Variants in EVC observed in about 807,000 individuals in gnomAD.
EVC encodes evC complex member EVC.
Under a neutral mutation model 118.9 loss-of-function variants are expected in EVC, and 116 were observed. That is an observed-to-expected ratio of 0.98 (90% CI 0.84 to 1.14). The LOEUF (loss-of-function observed/expected upper bound fraction) is 1.14. EVC is among the 50% of genes most tolerant of loss of function. EVC has a pLI of 0.00. For missense variants in EVC, 1,401 were observed against 1,246.4 expected (o/e 1.12, Z -1.87); for synonymous variants, 619 against 534.7 (o/e 1.16, Z -2.18).
Position 5,798,118 on chromosome 4 carries a change from C to G in EVC, c.2098-468C>G, listed in dbSNP as rs1714316531. ...TCGCTACAGCCCCGCTCACTTCTTT[C>G]TCTCTTATTTCTACAAATAAAGGCA... On this transcript the variant is annotated intron_variant, in intron 14 of 20. Transcript: ENST00000264956. This position sits in a 1 kb window ranked among gnomAD's most constrained non-coding sequence, Gnocchi z 4.1. 6.6e-6 allele frequency among the ~76,000 whole-genome samples: 1 copy of G among 152,170 alleles called. No individual in the cohort carries two copies. Among genetic ancestry groups the G allele is most frequent in the Non-Finnish European group, 1.5e-5 (1 of 68,018 alleles).
rs1374746787 is a variant in EVC at position 5,755,528 on chromosome 4, C to T, written c.1465-736C>T. ...CCAGTCCCGCCCTTCTCTCTCATCT[C>T]ACCTCCTGCCCGTAGCATCACCAAA... On this transcript the variant is annotated intron_variant, in intron 10 of 20. Transcript: ENST00000264956. The surrounding 1 kb of genome is among the most constrained non-coding windows in gnomAD (Gnocchi z 4.1). 6.6e-6 allele frequency among the ~76,000 whole-genome samples: 1 copy of T among 152,166 alleles called. No homozygotes were observed. The highest frequency in any genetic ancestry group is 1.5e-5 in the Non-Finnish European group (1 of 68,014).
At chr4:5,782,389 A>ATTTT (rs71171482) in intron 11 of EVC, among the ~76,000 whole-genome samples, 26 of 78,602 alleles carry the variant, frequency 3.3e-4, no homozygotes, top group Non-Finnish European at 5.2e-4. Flanking sequence ...GTAAGGTTCC[A>ATTTT]TTTTTTTTTT....
intron 2 of EVC, among the ~76,000 whole-genome samples, chr4:5,721,217 A>G (rs935726422): frequency 3.3e-5 from 5 of 152,244 alleles, no homozygotes; most frequent in Non-Finnish European, 5.9e-5. Flanking sequence ...TTGTACACAA[A>G]TGTTCAAAGC....
chr4:5,767,663 CCAGGTGCCATCTGT>C (rs1466519300), intron 11 of EVC, among the ~76,000 whole-genome samples: 2 of 152,046 alleles, frequency 1.3e-5, no homozygotes, highest in Non-Finnish European at 1.5e-5. Context: ...ACCCGATTTT[CCAGGTGCCATCTGT>C]CACCCCTTTC....
the EVC span, among the ~76,000 whole-genome samples, chr4:5,827,578 CCACA>C: frequency 3.2e-4 from 48 of 152,046 alleles, no homozygotes; most frequent in African/African-American, 1.1e-3. Flanking sequence ...ACACACATGG[CCACA>C]CACACAGAGC....
the EVC span, among the ~76,000 whole-genome samples, chr4:5,823,848 C>T: frequency 5.3e-5 from 8 of 152,132 alleles, no homozygotes; most frequent in African/African-American, 1.7e-4. Context: ...TGTAAATGGA[C>T]GAAAACAGAC....
At chr4:5,781,941 T>C (rs1735659065) in intron 11 of EVC, among the ~76,000 whole-genome samples, 1 of 151,994 alleles carries the variant, frequency 6.6e-6, no homozygotes, top group South Asian at 2.1e-4. Context: ...GCAGGGAAAG[T>C]AGAGACCTGT....
Position 5,753,241 on chromosome 4 carries a change from C to T in EVC, c.1315+189C>T, listed in dbSNP as rs147951625. 4.5e-3 allele frequency among the ~76,000 whole-genome samples: 689 copies of T among 152,350 alleles called. 2 individuals carry two copies. Among genetic ancestry groups the T allele is most frequent in the South Asian group, 6.6e-3 (32 of 4,820 alleles). On this transcript the variant is annotated intron_variant, in intron 9 of 20. Transcript: ENST00000264956. ...GGGCTCTCTTCCCTTCTCTGTACAG[C>T]AGAGTCCATGAGGGCCACTGCCCAG...
Position 5,756,392 on chromosome 4 carries a change from A to G in EVC, c.1563+30A>G. On this transcript the variant is annotated intron_variant, in intron 11 of 20. Coordinates refer to ENST00000264956, the MANE Select transcript of EVC (RefSeq NM_153717.3). The surrounding 1 kb of genome is among the most constrained non-coding windows in gnomAD (Gnocchi z 4.2). ...ATGGCCTCTGTGGGGACCAGCAGAG[A>G]AGCCCCAGGGTCTGTGTGTGTGCGA... The G allele has an allele frequency of 6.4e-7, 1 of 1,562,994 alleles. No individual in the cohort carries two copies. The highest frequency in any genetic ancestry group is 8.7e-7 in the Non-Finnish European group (1 of 1,143,832).
At chr4:5,777,708 T>C (rs1734909745) in intron 11 of EVC, among the ~76,000 whole-genome samples, 1 of 152,168 alleles carries the variant, frequency 6.6e-6, no homozygotes, top group Admixed American at 6.5e-5. Context: ...TCTCTAAATC[T>C]TTTAAAAGAA....
chr4:5,828,594 G>T, the EVC span: 3 of 1,614,164 alleles, frequency 1.9e-6, no homozygotes, highest in Admixed American at 5.0e-5. Context: ...CTTCAAAGAC[G>T]ATCTTGCCCT....
rs936752606 is a variant in EVC, at chr4:5,742,290, G to A, written c.801+476G>A. Among the ~76,000 whole-genome samples, 1 of 152,160 alleles carries A rather than the reference G, an allele frequency of 6.6e-6. No individual in the cohort carries two copies. Among genetic ancestry groups the A allele is most frequent in the Non-Finnish European group, 1.5e-5 (1 of 68,036 alleles). ...TCGTAGTTTCCTTTTTGTATAGTGAGATAATTCCTGTTCTGCGAGAGTGCA... is the reference window on the plus strand; with the variant it reads ...TCGTAGTTTCCTTTTTGTATAGTGAAATAATTCCTGTTCTGCGAGAGTGCA... On this transcript the variant is annotated intron_variant, in intron 6 of 20. Transcript: ENST00000264956. This position sits in a 1 kb window ranked among gnomAD's most constrained non-coding sequence, Gnocchi z 5.2.
intron 2 of EVC, among the ~76,000 whole-genome samples, chr4:5,720,920 T>C (rs1368559176): frequency 6.6e-6 from 1 of 151,456 alleles, no homozygotes; most frequent in African/African-American, 2.5e-5. Context: ...TAGGTCTCCC[T>C]CCAAACACTG....
intron 11 of EVC, among the ~76,000 whole-genome samples, chr4:5,761,496 G>A (rs946093792): frequency 2.7e-5 from 4 of 149,556 alleles, no homozygotes; most frequent in East Asian, 4.0e-4. Flanking sequence ...TTAAAAAGGC[G>A]GGGGGCGGGG....
intron 12 of EVC, among the ~76,000 whole-genome samples, chr4:5,791,804 C>T (rs947475774): frequency 6.6e-6 from 1 of 152,024 alleles, no homozygotes; most frequent in African/African-American, 2.4e-5. Flanking sequence ...GAACACAGAC[C>T]CAACGTGAAC....
chr4:5,773,531 A>C lies in EVC; in HGVS notation c.1564-10021A>C, dbSNP rs77187310. ...GAACTCAGTGTAGCAGAGGCAGGGA[A>C]GTGCTCTCCACTCACCTTGAGAAGT... On this transcript the variant is annotated intron_variant, in intron 11 of 20. Coordinates refer to ENST00000264956, the MANE Select transcript of EVC (RefSeq NM_153717.3). Among the ~76,000 whole-genome samples the C allele has an allele frequency of 1.4e-3, 217 of 152,248 alleles. 1 individual carries two copies. The highest frequency in any genetic ancestry group is 4.9e-3 in the African/African-American group (202 of 41,540).
rs114547415 is a variant in EVC at position 5,714,711 on chromosome 4, T to G, written c.174+3157T>G. On this transcript the variant is annotated intron_variant, in intron 1 of 20. Transcript: ENST00000264956. ...TTCTACAAACATTATCTACTGCAAGTTAAGGATCAGTTGTGGTCATGAATA... is the reference window on the plus strand; with the variant it reads ...TTCTACAAACATTATCTACTGCAAGGTAAGGATCAGTTGTGGTCATGAATA... Among the ~76,000 whole-genome samples, 1,243 of 152,330 alleles carry G rather than the reference T, an allele frequency of 8.2e-3. 21 individuals carry two copies. Among genetic ancestry groups the G allele is most frequent in the African/African-American group, 0.028 (1,180 of 41,564 alleles).
chr4:5,747,588 A>G (rs776383832), intron 7 of EVC, among the ~76,000 whole-genome samples: 2 of 152,216 alleles, frequency 1.3e-5, no homozygotes, highest in African/African-American at 2.4e-5. Context: ...TGATGACTCA[A>G]TTAAACCTCC....
At chr4:5,785,546 C>A (rs1166578806) in intron 12 of EVC, among the ~76,000 whole-genome samples, 1 of 152,206 alleles carries the variant, frequency 6.6e-6, no homozygotes, top group African/African-American at 2.4e-5. Context: ...GGCACAGGGC[C>A]TAGTTGCCTG....
Sources: allele counts gnomAD v4.1 joint callset (sites outside exome capture counted in the v4.1 genomes callset), GRCh38; gene constraint gnomAD v4.1.1; non-coding constraint Gnocchi (gnomAD v3.1); transcripts MANE v1.5; gene names NCBI Gene and HGNC (gene_info 2026-07-23, HGNC 2026-07-21).